Variants in C12orf42 observed in about 807,000 individuals in gnomAD.
The protein encoded by C12orf42 is uncharacterized protein C12orf42.
A neutral mutation model predicts 21.6 loss-of-function variants in C12orf42; 25 were observed. The ratio of observed to expected loss-of-function variants is 1.16; its 90% CI spans 0.84 to 1.62. C12orf42 has a LOEUF of 1.62. Among genes scored for constraint, C12orf42 ranks in the 40% most tolerant of loss-of-function variants. C12orf42 has a pLI of 0.00. For synonymous variants in C12orf42, 174 were observed against 175.0 expected, an observed-to-expected ratio of 0.99 and a Z score of 0.05; for missense variants, 483 against 459.3, an observed-to-expected ratio of 1.05 and a Z score of -0.47.
At chr12:103,394,649 C>T (rs10745964) in intron 3 of C12orf42, among the ~76,000 whole-genome samples, 91,259 of 152,028 alleles carry the variant, frequency 0.6, 28,474 homozygotes, top group Admixed American at 0.71. Context: ...ACGATTGTTT[C>T]CCAACAATTC....
chr12:103,487,063 G>T (rs541150978), intron 1 of C12orf42, among the ~76,000 whole-genome samples: 1 of 152,096 alleles, frequency 6.6e-6, no homozygotes, highest in Admixed American at 6.5e-5. Context: ...GTTGATTTTA[G>T]ATCTTTCCTG....
At chr12:103,343,724 A>G (rs560549697) in intron 4 of C12orf42, among the ~76,000 whole-genome samples, 1 of 151,468 alleles carries the variant, frequency 6.6e-6, no homozygotes, top group African/African-American at 2.4e-5. Context: ...CAGTGAGCCA[A>G]GATCACACCA....
At chr12:103,513,352 A>C in the C12orf42 span, among the ~76,000 whole-genome samples, 36 of 152,320 alleles carry the variant, frequency 2.4e-4, no homozygotes, top group African/African-American at 8.2e-4. Context: ...AAGGAAGCAG[A>C]GCTAAGAAAA....
At chr12:103,495,142 G>A (rs1277184754) in intron 1 of C12orf42, among the ~76,000 whole-genome samples, 2 of 151,896 alleles carry the variant, frequency 1.3e-5, no homozygotes, top group Non-Finnish European at 2.9e-5. Context: ...ATGTGGGCAG[G>A]GGCTGCAGAA....
the C12orf42 span, among the ~76,000 whole-genome samples, chr12:103,222,984 C>G: frequency 6.6e-6 from 1 of 151,884 alleles, no homozygotes; most frequent in Non-Finnish European, 1.5e-5. Context: ...ATTCAGTCTA[C>G]AAACATAATC....
intron 2 of C12orf42, among the ~76,000 whole-genome samples, chr12:103,458,116 T>C (rs1157201016): frequency 6.6e-6 from 1 of 152,212 alleles, no homozygotes; most frequent in East Asian, 1.9e-4. Context: ...AGAAATCTAA[T>C]TCTCCAAGCA....
chr12:103,334,065 T>G (rs1397381053), intron 4 of C12orf42, among the ~76,000 whole-genome samples: 1 of 152,232 alleles, frequency 6.6e-6, no homozygotes, highest in Non-Finnish European at 1.5e-5. Context: ...TGAGTTAATT[T>G]CTAATTGGCA....
At chr12:103,383,421 G>A (rs2046344373) in intron 3 of C12orf42, among the ~76,000 whole-genome samples, 1 of 151,994 alleles carries the variant, frequency 6.6e-6, no homozygotes, top group South Asian at 2.1e-4. Flanking sequence ...TTTTAAAAGG[G>A]CATAGTATTC....
the C12orf42 span, among the ~76,000 whole-genome samples, chr12:103,532,989 A>G: frequency 2.6e-5 from 4 of 152,202 alleles, no homozygotes; most frequent in Non-Finnish European, 5.9e-5. Context: ...ACCAATGCCA[A>G]TCACACAAAA....
intron 4 of C12orf42, among the ~76,000 whole-genome samples, chr12:103,336,026 T>C (rs2041660372): frequency 6.6e-6 from 1 of 152,174 alleles, no homozygotes; most frequent in South Asian, 2.1e-4. Context: ...CCCAATTGGA[T>C]GTTGGGAATA....
the C12orf42 span, among the ~76,000 whole-genome samples, chr12:103,051,296 A>G: frequency 3.9e-5 from 6 of 152,190 alleles, no homozygotes; most frequent in Admixed American, 3.9e-4. Flanking sequence ...TTAGAAGCAC[A>G]AGCACCTCTC....
the C12orf42 span, among the ~76,000 whole-genome samples, chr12:103,555,313 G>A: frequency 2.6e-5 from 4 of 152,166 alleles, no homozygotes; most frequent in African/African-American, 9.7e-5. Flanking sequence ...GCAGCAGGCA[G>A]AGAGGGAGCT....
the C12orf42 span, among the ~76,000 whole-genome samples, chr12:103,160,467 A>G: frequency 3.9e-5 from 6 of 152,232 alleles, no homozygotes; most frequent in African/African-American, 9.6e-5. Flanking sequence ...TTGTTCTCTA[A>G]TAAAATTTTC....
chr12:103,141,806 A>G, the C12orf42 span, among the ~76,000 whole-genome samples: 2 of 152,202 alleles, frequency 1.3e-5, no homozygotes, highest in Non-Finnish European at 2.9e-5. Flanking sequence ...CTGGGATTAC[A>G]GGCATGAGCC....
the C12orf42 span, among the ~76,000 whole-genome samples, chr12:103,157,447 T>C: frequency 1.3e-5 from 2 of 152,230 alleles, no homozygotes; most frequent in Non-Finnish European, 2.9e-5. Context: ...GATGATAGTT[T>C]ATTTTGCTGT....
At chr12:103,539,871 G>T in the C12orf42 span, among the ~76,000 whole-genome samples, 4 of 151,712 alleles carry the variant, frequency 2.6e-5, no homozygotes, top group African/African-American at 7.3e-5. Context: ...GAGCCAACGC[G>T]CTTGGCCTGT....
chr12:103,066,282 A>C, the C12orf42 span, among the ~76,000 whole-genome samples: 1 of 152,166 alleles, frequency 6.6e-6, no homozygotes, highest in African/African-American at 2.4e-5. Context: ...GCAGCATTTC[A>C]TCATCAAATG....
intron 4 of C12orf42, among the ~76,000 whole-genome samples, chr12:103,309,327 G>A (rs1012569447): frequency 1.3e-5 from 2 of 151,994 alleles, no homozygotes; most frequent in African/African-American, 4.8e-5. Flanking sequence ...CTTTTATGAT[G>A]ATCCACTTCC....
chr12:103,435,094 C>A (rs1319913049), intron 2 of C12orf42, among the ~76,000 whole-genome samples: 2 of 152,180 alleles, frequency 1.3e-5, no homozygotes, highest in African/African-American at 4.8e-5. Context: ...TCCCTGACCC[C>A]TGACCCCCGA....
Sources: gnomAD v4.1 joint callset for allele counts (sites outside exome capture counted in the v4.1 genomes callset) on GRCh38, gnomAD v4.1.1 for gene constraint, MANE v1.5 for transcripts, NCBI Gene and HGNC (gene_info 2026-07-23, HGNC 2026-07-21) for gene names.